ANO10: variants seen among roughly 807,000 people sequenced by gnomAD.
ANO10 encodes anoctamin-10.
ANO10 carries 77 observed loss-of-function variants against 74.7 expected under a neutral mutation model. The observed-to-expected ratio is 1.03, with a 90% CI of 0.86 to 1.25. The LOEUF (loss-of-function observed/expected upper bound fraction) is 1.25, where lower values mean the gene tolerates loss of function less well. Ranked by LOEUF, ANO10 falls within the 50% of genes most tolerant of loss-of-function variation. The pLI, the probability that ANO10 is intolerant of heterozygous loss-of-function variation, is 0.00. For synonymous variants in ANO10, 279 were observed against 284.9 expected (o/e 0.98, Z 0.21); for missense variants, 721 against 778.1 (o/e 0.93, Z 0.87).
At chr3:43,397,915 C>A (rs909434140) in intron 12 of ANO10, among the ~76,000 whole-genome samples, 2 of 152,196 alleles carry the variant, frequency 1.3e-5, no homozygotes, top group Non-Finnish European at 2.9e-5. Flanking sequence ...CATTGATTCA[C>A]GTATTTTGTC....
At position 43,366,534 on chromosome 3, in the gene ANO10, C is replaced by A. The variant is rs145489333; in HGVS notation, c.*372G>T. 7.8e-5 allele frequency: 30 copies of A among 384,078 alleles called. No individual in the cohort carries two copies. The highest frequency in any genetic ancestry group is 1.5e-4 in the Admixed American group (4 of 27,082). The allele number at this position is 384,078 out of a possible 1,614,324, so 23.8% of individuals were successfully genotyped here. A position where few individuals can be genotyped will look rare whatever the true frequency, so the allele number is the denominator to read the frequency against. ...CCCATCCCCAACCTGTCCACGGGTC[C>A]CTGGGCCATGGTGGGGTTGGGAGTG... On this transcript the variant is annotated 3_prime_UTR_variant, in exon 13 of 13. Coordinates refer to ENST00000292246, the MANE Select transcript of ANO10 (RefSeq NM_018075.5).
At chr3:43,459,728 C>T (rs2075297369) in intron 11 of ANO10, among the ~76,000 whole-genome samples, 1 of 152,120 alleles carries the variant, frequency 6.6e-6, no homozygotes, top group Non-Finnish European at 1.5e-5. Context: ...CTTTTTGGGC[C>T]TCAGATGGTA....
At chr3:43,498,701 C>A (rs2076997839) in intron 11 of ANO10, among the ~76,000 whole-genome samples, 1 of 152,066 alleles carries the variant, frequency 6.6e-6, no homozygotes, top group African/African-American at 2.4e-5. Flanking sequence ...CTTTGTTTTT[C>A]AAAAAATATA....
chr3:43,493,927 G>A (rs912370596), intron 11 of ANO10, among the ~76,000 whole-genome samples: 3 of 152,026 alleles, frequency 2.0e-5, no homozygotes, highest in Admixed American at 6.6e-5. Flanking sequence ...ACAGAGATGG[G>A]GTCTTGCTTT....
chr3:43,560,478 T>C (rs1477348427), intron 9 of ANO10, among the ~76,000 whole-genome samples: 1 of 151,942 alleles, frequency 6.6e-6, no homozygotes, highest in Non-Finnish European at 1.5e-5. Flanking sequence ...ACTATGAAAG[T>C]TTCACAATAA....
intron 1 of ANO10, among the ~76,000 whole-genome samples, chr3:43,653,299 T>C (rs1178369447): frequency 6.6e-6 from 1 of 152,098 alleles, no homozygotes; most frequent in African/African-American, 2.4e-5. Flanking sequence ...GAAACAGAAC[T>C]GGCCAAGAAA....
intron 1 of ANO10, among the ~76,000 whole-genome samples, chr3:43,676,970 A>C (rs6771508): frequency 0.023 from 3,430 of 152,330 alleles, 59 homozygotes; most frequent in South Asian, 0.091. Flanking sequence ...ACTACAGTAC[A>C]ACAGCTAATA....
At chr3:43,514,346 T>C (rs1334755491) in intron 11 of ANO10, among the ~76,000 whole-genome samples, 1 of 152,098 alleles carries the variant, frequency 6.6e-6, no homozygotes, top group African/African-American at 2.4e-5. Flanking sequence ...AAAGCTGACT[T>C]AGTATTAGAT....
At chr3:43,518,646 C>T (rs1234524475) in intron 11 of ANO10, among the ~76,000 whole-genome samples, 3 of 152,082 alleles carry the variant, frequency 2.0e-5, no homozygotes, top group Non-Finnish European at 4.4e-5. Context: ...AGAATGCTTT[C>T]CTAGGGGGAG....
Position 43,523,294 on chromosome 3 carries a change from G to A in ANO10, c.1797+26426C>T, listed in dbSNP as rs145113355. 5.5e-3 allele frequency among the ~76,000 whole-genome samples: 834 copies of A among 152,230 alleles called. 5 individuals carry two copies. Among genetic ancestry groups the A allele is most frequent in the African/African-American group, 0.019 (802 of 41,542 alleles). The stretch of plus-strand genomic sequence containing the variant: ...ATTAAAGTGGAGAGAGGAGAGCAGC[G>A]GAAAGAGCTGCATGATTTCATGAAG... On this transcript the variant is annotated intron_variant, in intron 11 of 12. Transcript: ENST00000292246.
chr3:43,606,193 G>A (rs2082556452), intron 1 of ANO10, among the ~76,000 whole-genome samples: 2 of 152,194 alleles, frequency 1.3e-5, no homozygotes, highest in African/African-American at 4.8e-5. Flanking sequence ...CATCTGAACA[G>A]GATTCAGAGG....
chr3:43,367,030 G>C, intron 12 of ANO10, 56 bp from the exon 13 acceptor site: 1 of 1,514,696 alleles, frequency 6.6e-7, no homozygotes, highest in Non-Finnish European at 9.0e-7. Flanking sequence ...TAGTGGCCGA[G>C]GCCTCTGCTC....
chr3:43,663,300 T>A (rs1401039439), intron 1 of ANO10, among the ~76,000 whole-genome samples: 1 of 152,188 alleles, frequency 6.6e-6, no homozygotes, highest in African/African-American at 2.4e-5. Flanking sequence ...ACCACGATTA[T>A]CTTAATAGAT....
intron 12 of ANO10, among the ~76,000 whole-genome samples, chr3:43,399,205 T>C (rs2092437168): frequency 6.6e-6 from 1 of 152,240 alleles, no homozygotes; most frequent in African/African-American, 2.4e-5. Context: ...AAATACTCAC[T>C]AAATGTTAGC....
intron 1 of ANO10, among the ~76,000 whole-genome samples, chr3:43,680,170 AG>A (rs1477536237): frequency 1.3e-5 from 2 of 152,206 alleles, no homozygotes; most frequent in East Asian, 3.9e-4. Context: ...CCCATGGCAA[AG>A]AAGTTAAAAA....
At chr3:43,634,679 T>A (rs944121786) in intron 1 of ANO10, among the ~76,000 whole-genome samples, 1 of 152,182 alleles carries the variant, frequency 6.6e-6, no homozygotes, top group Non-Finnish European at 1.5e-5. Context: ...TTTATTCCCA[T>A]CTGGTGACCA....
intron 4 of ANO10, among the ~76,000 whole-genome samples, chr3:43,593,068 T>G (rs1423542248): frequency 6.6e-6 from 1 of 151,098 alleles, no homozygotes; most frequent in Non-Finnish European, 1.5e-5. Context: ...GAAAAAAGAG[T>G]AAAAAGAAAA....
intron 12 of ANO10, among the ~76,000 whole-genome samples, chr3:43,384,924 C>T (rs1166452528): frequency 1.3e-5 from 2 of 152,120 alleles, no homozygotes; most frequent in Non-Finnish European, 2.9e-5. Flanking sequence ...ATAGATGGGA[C>T]TTAATTAAAC....
At chr3:43,513,734 T>C (rs1389870991) in intron 11 of ANO10, among the ~76,000 whole-genome samples, 1 of 151,998 alleles carries the variant, frequency 6.6e-6, no homozygotes, top group East Asian at 1.9e-4. Flanking sequence ...ATGGTCTTGA[T>C]CTCCTGACCT....
Sources: gnomAD v4.1 joint callset for allele counts (sites outside exome capture counted in the v4.1 genomes callset) on GRCh38, gnomAD v4.1.1 for gene constraint, MANE v1.5 for transcripts, NCBI Gene and HGNC (gene_info 2026-07-23, HGNC 2026-07-21) for gene names.